SPINK2: variants seen among roughly 807,000 people sequenced by gnomAD.
The protein encoded by SPINK2 is serine peptidase inhibitor Kazal type 2.
A neutral mutation model predicts 13.5 loss-of-function variants in SPINK2; 8 were observed. The observed-to-expected ratio is 0.59, with a 90% CI of 0.35 to 1.07. The LOEUF is 1.07. Ranked by LOEUF, SPINK2 falls within the 50% of genes least tolerant of loss-of-function variation. SPINK2 has a pLI of 0.02. For synonymous variants in SPINK2, 76 were observed against 74.7 expected (o/e 1.02, Z -0.09); for missense variants, 148 against 180.3 (o/e 0.82, Z 1.03).
upstream of SPINK2, chr4:56,821,703 C>G: frequency 7.0e-7 from 1 of 1,435,466 alleles, no homozygotes; most frequent in East Asian, 2.9e-5. Context: ...CGGTCTGTTA[C>G]CTGCGCCACT....
intron 1 of SPINK2, among the ~76,000 whole-genome samples, chr4:56,821,117 T>A (rs575943490): frequency 1.3e-5 from 2 of 152,372 alleles, no homozygotes; most frequent in South Asian, 4.1e-4. Context: ...TAATTAATAG[T>A]TCATGATGTT....
intron 2 of SPINK2, among the ~76,000 whole-genome samples, chr4:56,819,503 C>CA (rs1717747590): frequency 6.6e-6 from 1 of 151,996 alleles, no homozygotes; most frequent in South Asian, 2.1e-4. Context: ...GGAGGCCAGC[C>CA]GGCTATAAGC....
At chr4:56,819,423 C>T (rs747223404) in intron 2 of SPINK2, among the ~76,000 whole-genome samples, 12 of 152,048 alleles carry the variant, frequency 7.9e-5, no homozygotes, top group Non-Finnish European at 1.5e-4. Context: ...TTATATAAAA[C>T]AGAACTCTGA....
At chr4:56,817,502 A>G (rs1023252642) in intron 2 of SPINK2, among the ~76,000 whole-genome samples, 1 of 152,212 alleles carries the variant, frequency 6.6e-6, no homozygotes, top group African/African-American at 2.4e-5. Flanking sequence ...AGTCTTGACT[A>G]AGAAAAAAAA....
At chr4:56,820,515 T>C (rs1375635813) in intron 2 of SPINK2, 21 bp downstream of exon 2, 1 of 1,597,602 alleles carries the variant, frequency 6.3e-7, no homozygotes, top group Non-Finnish European at 8.6e-7. Flanking sequence ...GTAGAAACAG[T>C]AGAAGTGGTT....
chr4:56,816,357 C>T (rs914849367), intron 2 of SPINK2, among the ~76,000 whole-genome samples: 1 of 151,814 alleles, frequency 6.6e-6, no homozygotes, highest in Non-Finnish European at 1.5e-5. Context: ...CTTGTCTCTA[C>T]TAAAAAAATA....
chr4:56,810,675 CA>C (rs1387873027), intron 3 of SPINK2: 1 of 152,644 alleles, frequency 6.6e-6, no homozygotes, highest in Non-Finnish European at 1.5e-5. Flanking sequence ...GGTAAAACCC[CA>C]TCTCTAACAA....
Position 56,809,898 on chromosome 4 carries a change from A to C in SPINK2, c.*241T>G. 1.0e-6 allele frequency: 1 copy of C among 973,888 alleles called. No homozygotes were observed. Among genetic ancestry groups the C allele is most frequent in the Non-Finnish European group, 1.4e-6 (1 of 691,780 alleles). 60.3% of individuals were successfully genotyped at this position (973,888 alleles called of 1,614,324 possible). A position where few individuals can be genotyped will look rare whatever the true frequency, so the allele number is the denominator to read the frequency against. On this transcript the variant is annotated 3_prime_UTR_variant, in exon 4 of 4. Transcript: ENST00000506738. Reference sequence around the variant, plus strand: ...TGATTTTATTTCAACTAAATAAAGCAATGCACAAGTCACCTGGGCAGTAAG... The same window carrying C: ...TGATTTTATTTCAACTAAATAAAGCCATGCACAAGTCACCTGGGCAGTAAG...
At position 56,809,931 on chromosome 4, in the gene SPINK2, C is replaced by A; in HGVS notation, c.*208G>T. ...AGTCACCTGGGCAGTAAGCTTAACTCCAGGAGCAAAAGCCAAGAAACAAGG... is the reference window on the plus strand; with the variant it reads ...AGTCACCTGGGCAGTAAGCTTAACTACAGGAGCAAAAGCCAAGAAACAAGG... On this transcript the variant is annotated 3_prime_UTR_variant, in exon 4 of 4. Coordinates refer to ENST00000506738, the MANE Select transcript of SPINK2 (RefSeq NM_001271718.2). 7.2e-7 allele frequency: 1 copy of A among 1,390,630 alleles called. No individual in the cohort carries two copies. The highest frequency in any genetic ancestry group is 9.5e-7 in the Non-Finnish European group (1 of 1,056,844). The allele number at this position is 1,390,630 out of a possible 1,614,324, so 86.1% of individuals were successfully genotyped here.
intron 2 of SPINK2, among the ~76,000 whole-genome samples, chr4:56,816,271 G>A (rs1717442135): frequency 1.3e-5 from 2 of 151,988 alleles, no homozygotes; most frequent in Admixed American, 6.6e-5. Flanking sequence ...CATCTCTAGG[G>A]CCAGGCATGG....
chr4:56,812,074 T>A (rs1427687443), intron 2 of SPINK2, among the ~76,000 whole-genome samples: 1 of 151,558 alleles, frequency 6.6e-6, no homozygotes, highest in South Asian at 2.1e-4. Flanking sequence ...TTTTGTATTT[T>A]TAGTAGAGAC....
intron 3 of SPINK2, among the ~76,000 whole-genome samples, chr4:56,811,416 C>T (rs1383250161): frequency 3.3e-5 from 5 of 151,988 alleles, no homozygotes; most frequent in African/African-American, 9.7e-5. Context: ...GTCAGGAGTT[C>T]GAAACCAGCC....
chr4:56,812,744 T>G (rs1320580379), intron 2 of SPINK2, among the ~76,000 whole-genome samples: 2 of 152,108 alleles, frequency 1.3e-5, no homozygotes, highest in Non-Finnish European at 2.9e-5. Context: ...CTTGCCTTAA[T>G]GCCAAGACAA....
In SPINK2 at chr4:56,821,487, A is replaced by G. The variant is rs1192019715; in HGVS notation, c.176T>C (p.Val59Ala). ...CAGGTCCTCTGGGGAACCGCCAGTAACGGGCGCGCGGGTACCGTCGCCGAG... is the reference window on the plus strand; with the variant it reads ...CAGGTCCTCTGGGGAACCGCCAGTAGCGGGCGCGCGGGTACCGTCGCCGAG... ...GGLGDGTRAP[V>A]TGGSPEDLPA... Residue 59 changes from valine (V) to alanine (A), a missense_variant, in exon 1 of 4, where the codon GTT becomes GCT. By Grantham distance (64) the Val-to-Ala change is moderately conservative. Coordinates refer to ENST00000506738, the MANE Select transcript of SPINK2 (RefSeq NM_001271718.2). 6.5e-7 allele frequency: 1 copy of G among 1,534,290 alleles called. No individual in the cohort carries two copies. Among genetic ancestry groups the G allele is most frequent in the East Asian group, 2.5e-5 (1 of 40,436 alleles).
chr4:56,811,704 T>A lies in SPINK2; in HGVS notation c.340A>T (p.Thr114Ser). ...TGTTACCTGATTTTCATGCACAGAGTACATTCATTGGCATAAGTGGACATG... is the reference window on the plus strand; with the variant it reads ...TGTTACCTGATTTTCATGCACAGAGAACATTCATTGGCATAAGTGGACATG... ...SDMSTYANEC[T>S]LCMKIREGGH... Residue 114 changes from threonine to serine, a missense_variant, in exon 3 of 4, where the codon ACT becomes TCT. By Grantham distance (58) the Thr-to-Ser change is moderately conservative. Transcript: ENST00000506738. 1 of 1,608,460 alleles carries A rather than the reference T, an allele frequency of 6.2e-7. No homozygotes were observed. The highest frequency in any genetic ancestry group is 8.5e-7 in the Non-Finnish European group (1 of 1,176,498).
chr4:56,820,435 GT>G (rs1408592268), intron 2 of SPINK2, 100 bp downstream of exon 2: 1 of 872,652 alleles, frequency 1.1e-6, no homozygotes, highest in Admixed American at 2.0e-5. Flanking sequence ...GTCCTCAATG[GT>G]TTCAAAAGTG....
intron 3 of SPINK2, 111 bp from the exon 4 acceptor site, chr4:56,810,295 C>T (rs373102222): frequency 4.7e-6 from 4 of 845,124 alleles, no homozygotes; most frequent in African/African-American, 1.8e-5. Flanking sequence ...ATTCCTTCCA[C>T]AGCTACACTT....
At chr4:56,815,983 G>A (rs1365341253) in intron 2 of SPINK2, among the ~76,000 whole-genome samples, 2 of 151,960 alleles carry the variant, frequency 1.3e-5, no homozygotes, top group African/African-American at 4.8e-5. Context: ...TGTGTGTGTA[G>A]TCCTAGCTTC....
chr4:56,810,573 T>C, intron 3 of SPINK2: 2 of 197,820 alleles, frequency 1.0e-5, no homozygotes, highest in South Asian at 1.8e-4. Context: ...GAGCAGTGGC[T>C]CACGCCTGTA....
Sources: allele counts gnomAD v4.1 joint callset (sites outside exome capture counted in the v4.1 genomes callset), GRCh38; gene constraint gnomAD v4.1.1; transcripts MANE v1.5; gene names NCBI Gene and HGNC (gene_info 2026-07-23, HGNC 2026-07-21).